YARS1: variants seen among roughly 807,000 people sequenced by gnomAD.
YARS1 encodes the protein tyrosine--tRNA ligase, cytoplasmic.
A neutral mutation model predicts 62.2 loss-of-function variants in YARS1; 36 were observed. The observed-to-expected ratio is 0.58, with a 90% CI of 0.44 to 0.76. The LOEUF is 0.76. Among genes scored for constraint, YARS1 ranks in the 30% least tolerant of loss-of-function variants. The pLI is 0.00. For synonymous variants in YARS1, 234 were observed against 244.9 expected, an observed-to-expected ratio of 0.96 and a Z score of 0.42; for missense variants, 524 against 639.8, an observed-to-expected ratio of 0.82 and a Z score of 1.95.
chr1:32,777,927 A>AT (rs564916503), intron 12 of YARS1, among the ~76,000 whole-genome samples: 2 of 151,964 alleles, frequency 1.3e-5, no homozygotes, highest in South Asian at 2.1e-4. Context: ...CAGGACTAGG[A>AT]TTTTTTTTTC....
chr1:32,806,749 C>T (rs1347028777), intron 3 of YARS1, 138 bp from the exon 4 acceptor site: 1 of 1,199,878 alleles, frequency 8.3e-7, no homozygotes. Flanking sequence ...ATTTTAATCA[C>T]CAACTTTCTT....
intron 3 of YARS1, among the ~76,000 whole-genome samples, chr1:32,807,346 A>C (rs1012404004): frequency 6.6e-6 from 1 of 152,206 alleles, no homozygotes; most frequent in Non-Finnish European, 1.5e-5. Flanking sequence ...CCGGGCAGCC[A>C]AACCTGGGTC....
intron 4 of YARS1, among the ~76,000 whole-genome samples, chr1:32,801,282 TCA>T (rs1638287396): frequency 1.3e-5 from 2 of 152,150 alleles, no homozygotes; most frequent in South Asian, 4.2e-4. Context: ...TACTGTGGGT[TCA>T]GTTCCAGACA....
Position 32,776,163 on chromosome 1 carries a change from G to T in YARS1, c.1477-72C>A, listed in dbSNP as rs560558846. On this transcript the variant is annotated intron_variant, in intron 12 of 12. Coordinates refer to ENST00000373477, the MANE Select transcript of YARS1 (RefSeq NM_003680.4). The surrounding 1 kb of genome is among the most constrained non-coding windows in gnomAD (Gnocchi z 4.0). Reference sequence around the variant, plus strand: ...CAAGAAAACCCCCCCTTTTTTGGAGGGGGGGCAGAGTTTTGCTCTTGTTGC... The same window carrying T: ...CAAGAAAACCCCCCCTTTTTTGGAGTGGGGGCAGAGTTTTGCTCTTGTTGC... 3.4e-5 allele frequency: 45 copies of T among 1,308,008 alleles called. No homozygotes were observed. Among genetic ancestry groups the T allele is most frequent in the South Asian group, 3.4e-4 (27 of 79,912 alleles). The allele number at this position is 1,308,008 out of a possible 1,614,324, so 81.0% of individuals were successfully genotyped here. A position where few individuals can be genotyped will look rare whatever the true frequency, so the allele number is the denominator to read the frequency against.
intron 8 of YARS1, chr1:32,782,885 G>C: frequency 3.2e-6 from 1 of 316,944 alleles, no homozygotes; most frequent in Non-Finnish European, 6.1e-6. Flanking sequence ...AAGGCCTAAA[G>C]ATAACCTGAG....
chr1:32,779,459 C>A lies in YARS1; in HGVS notation c.1399G>T (p.Val467Leu). ...PPAGSAPGEHVFVKGYEKGQP... is the reference protein window; with the variant it reads ...PPAGSAPGEHLFVKGYEKGQP... The stretch of plus-strand genomic sequence containing the variant: ...CCCTTTTCATAGCCCTTCACAAACA[C>A]GTGCTCACCAGGAGCAGAGCCTGCC... Residue 467 changes from valine (V) to leucine (L), a missense_variant, in exon 12 of 13, where the codon GTG becomes TTG. Coordinates refer to ENST00000373477, the MANE Select transcript of YARS1 (RefSeq NM_003680.4). 6.2e-7 allele frequency: 1 copy of A among 1,614,210 alleles called. No homozygotes were observed. The highest frequency in any genetic ancestry group is 8.5e-7 in the Non-Finnish European group (1 of 1,180,030).
chr1:32,779,582 A>T, intron 11 of YARS1, 59 bp from the exon 12 acceptor site: 1 of 1,612,542 alleles, frequency 6.2e-7, no homozygotes, highest in Non-Finnish European at 8.5e-7. Context: ...GTGACTGTGG[A>T]GGCCAAAGCA....
Position 32,810,862 on chromosome 1 carries a change from T to A in YARS1, c.204+49A>T, listed in dbSNP as rs201676056. ...CACCCTGTCCTTGTTAAGTCTCTCT[T>A]GGGTCTCCCTTGGGTCATTCCCCAA... On this transcript the variant is annotated intron_variant, in intron 2 of 12. Coordinates refer to ENST00000373477, the MANE Select transcript of YARS1 (RefSeq NM_003680.4). The A allele has an allele frequency of 1.9e-6, 3 of 1,614,034 alleles. No individual in the cohort carries two copies. In the East Asian group the frequency reaches 6.7e-5, roughly 36 times the overall value.
chr1:32,814,277 TTCTC>T (rs75760780), intron 1 of YARS1, among the ~76,000 whole-genome samples: 20,749 of 152,080 alleles, frequency 0.14, 1,737 homozygotes, highest in South Asian at 0.23. Context: ...ACCCTCCTAT[TTCTC>T]TCTGCCTCTA....
At chr1:32,787,533 G>A (rs575397105) in intron 6 of YARS1, among the ~76,000 whole-genome samples, 24 of 143,182 alleles carry the variant, frequency 1.7e-4, no homozygotes, top group African/African-American at 5.7e-4. Flanking sequence ...TTTTTGAGAC[G>A]GAGTCTCACT....
chr1:32,805,808 A>C (rs1300691005), intron 4 of YARS1, among the ~76,000 whole-genome samples: 1 of 152,024 alleles, frequency 6.6e-6, no homozygotes, highest in East Asian at 1.9e-4. Flanking sequence ...AAAAATACAA[A>C]AAAAATCAGC....
At chr1:32,791,117 T>C (rs772021355) in intron 6 of YARS1, 45 bp downstream of exon 6, 8 of 1,546,956 alleles carry the variant, frequency 5.2e-6, no homozygotes, top group East Asian at 2.2e-5. Flanking sequence ...AATCTCTCCA[T>C]TGAGGCTGAA....
intron 1 of YARS1, chr1:32,816,879 G>A: frequency 1.8e-6 from 1 of 547,340 alleles, no homozygotes; most frequent in Non-Finnish European, 3.3e-6. Flanking sequence ...GGCCCTTGAC[G>A]TATCCCCAGC....
rs1345528617 is a variant in YARS1, at chr1:32,806,602, T to C, written c.390A>G (p.Thr130=). The C allele has an allele frequency of 6.2e-7, 1 of 1,613,950 alleles. No individual in the cohort carries two copies. Among genetic ancestry groups the C allele is most frequent in the Non-Finnish European group, 8.5e-7 (1 of 1,180,032 alleles). ...CGGAGGAGAGTCTGTACACATCTAG[T>C]GTGTACTCTCTGAAGAGGAAAGGAA... ...GTDYQLSKEY[T]LDVYRLSSVV... Residue 130 remains threonine, a synonymous_variant, in exon 4 of 13, where the codon ACA becomes ACG. Transcript: ENST00000373477.
At chr1:32,806,915 G>GT (rs1638478206) in intron 3 of YARS1, among the ~76,000 whole-genome samples, 1 of 152,162 alleles carries the variant, frequency 6.6e-6, no homozygotes, top group Non-Finnish European at 1.5e-5. Flanking sequence ...CCTGTGACAT[G>GT]TAACAAACCT....
intron 4 of YARS1, 110 bp downstream of exon 4, chr1:32,806,372 G>C: frequency 6.3e-7 from 1 of 1,578,728 alleles, no homozygotes; most frequent in South Asian, 1.1e-5. Context: ...CCTTCAATTT[G>C]TAAAAAACAC....
Position 32,810,779 on chromosome 1 carries a change from T to A in YARS1, c.205-13A>T. On this transcript the variant is annotated splice_polypyrimidine_tract_variant and intron_variant, in intron 2 of 12. Coordinates refer to ENST00000373477, the MANE Select transcript of YARS1 (RefSeq NM_003680.4). ...ACAGAATTGTTACCTGGACAAGAGA[T>A]AAGGGGCCACCAAAATGTGAATTTG... 1 of 1,614,180 alleles carries A rather than the reference T, an allele frequency of 6.2e-7. No homozygotes were observed. Among genetic ancestry groups the A allele is most frequent in the African/African-American group, 1.3e-5 (1 of 75,052 alleles).
At chr1:32,791,103 C>A in intron 6 of YARS1, 59 bp downstream of exon 6, 1 of 1,478,716 alleles carries the variant, frequency 6.8e-7, no homozygotes, top group South Asian at 1.1e-5. Flanking sequence ...TCTTTTCAGT[C>A]CTCAATCTCT....
intron 6 of YARS1, among the ~76,000 whole-genome samples, chr1:32,789,162 A>T (rs1186293209): frequency 6.6e-6 from 1 of 152,192 alleles, no homozygotes; most frequent in Non-Finnish European, 1.5e-5. Context: ...ATTCCCAATT[A>T]TTAGTGGAAA....
Sources: gnomAD v4.1 joint callset for allele counts (sites outside exome capture counted in the v4.1 genomes callset) on GRCh38, gnomAD v4.1.1 for gene constraint, Gnocchi (gnomAD v3.1) non-coding constraint, MANE v1.5 for transcripts, NCBI Gene and HGNC (gene_info 2026-07-23, HGNC 2026-07-21) for gene names.